The following ARHGAP44 variants were observed in gnomAD, a reference collection of about 807,000 sequenced individuals.
The protein encoded by ARHGAP44 is rho GTPase-activating protein 44.
ARHGAP44 carries 43 observed loss-of-function variants against 106.8 expected under a neutral mutation model. The ratio of observed to expected loss-of-function variants is 0.40; its 90% CI spans 0.32 to 0.52. ARHGAP44 has a LOEUF of 0.52. Ranked by LOEUF, ARHGAP44 falls within the 20% of genes least tolerant of loss-of-function variation. The pLI is 0.48. For synonymous variants in ARHGAP44, 439 were observed against 410.3 expected (o/e 1.07, Z -0.85); for missense variants, 866 against 1,050.5 (o/e 0.82, Z 2.43).
At chr17:12,959,369 C>G (rs532049686) in intron 16 of ARHGAP44, among the ~76,000 whole-genome samples, 3 of 152,104 alleles carry the variant, frequency 2.0e-5, no homozygotes, top group Non-Finnish European at 2.9e-5. Flanking sequence ...ACAGCCTGAG[C>G]GTAAAATCCT....
chr17:12,879,371 A>G (rs1231328483), intron 1 of ARHGAP44, among the ~76,000 whole-genome samples: 1 of 152,232 alleles, frequency 6.6e-6, no homozygotes, highest in Non-Finnish European at 1.5e-5. Context: ...CTCATTGATC[A>G]GTGGGCATTT....
intron 6 of ARHGAP44, among the ~76,000 whole-genome samples, chr17:12,926,517 C>CATAT (rs1178528110): frequency 7.1e-6 from 1 of 140,320 alleles, no homozygotes; most frequent in South Asian, 2.2e-4. Context: ...ATTATATATG[C>CATAT]ATATATATTA....
intron 1 of ARHGAP44, among the ~76,000 whole-genome samples, chr17:12,874,873 A>C (rs2036506937): frequency 6.6e-6 from 1 of 151,708 alleles, no homozygotes; most frequent in African/African-American, 2.4e-5. Flanking sequence ...TGTCTGGGGA[A>C]AAAGGGAAAG....
intron 1 of ARHGAP44, among the ~76,000 whole-genome samples, chr17:12,891,328 T>C (rs1347416864): frequency 6.6e-6 from 1 of 152,204 alleles, no homozygotes; most frequent in East Asian, 1.9e-4. Context: ...GTCTCTAATT[T>C]ATAATAAACA....
At chr17:12,989,100 CCAAAAAAAAA>C (rs1567728610) in intron 20 of ARHGAP44, among the ~76,000 whole-genome samples, 1 of 32,002 alleles carries the variant, frequency 3.1e-5, no homozygotes, top group African/African-American at 8.3e-5. Context: ...TCCACCCCCC[CCAAAAAAAAA>C]AAAAAAAAAA....
Position 12,943,669 on chromosome 17 carries a change from G to T in ARHGAP44, c.733G>T (p.Glu245Ter). The T allele has an allele frequency of 6.2e-7, 1 of 1,613,572 alleles. No individual in the cohort carries two copies. Among genetic ancestry groups the T allele is most frequent in the Non-Finnish European group, 8.5e-7 (1 of 1,179,838 alleles). Residue 245 changes from glutamate to a stop codon, truncating the protein, a stop_gained and splice_region_variant, in exon 9 of 21, where the codon GAG becomes TAG. Coordinates refer to ENST00000379672, the MANE Select transcript of ARHGAP44 (RefSeq NM_014859.6). LOFTEE classifies it high-confidence loss of function. ...ATTGCCTCAGATCAAAGCACAACAG[G>T]GTAAGTGCAGGCCTTCCCTGGAGAA... ...AVLPQIKAQQ[E>*]AWVEKPSFGK...
At chr17:12,817,453 GT>G (rs1763668037) in intron 1 of ARHGAP44, among the ~76,000 whole-genome samples, 2 of 151,934 alleles carry the variant, frequency 1.3e-5, no homozygotes, top group African/African-American at 4.8e-5. Context: ...GTAATATAAG[GT>G]TCTACCTTAA....
rs894083995 is a variant in ARHGAP44 at position 12,880,022 on chromosome 17, C to T, written c.54-14918C>T. Reference sequence around the variant, plus strand: ...GTGGCAAAGGTGGAAGAAAATCCATCTATAAATGAACTCATGTTGTCTGAG... The same window carrying T: ...GTGGCAAAGGTGGAAGAAAATCCATTTATAAATGAACTCATGTTGTCTGAG... On this transcript the variant is annotated intron_variant, in intron 1 of 20. Coordinates refer to ENST00000379672, the MANE Select transcript of ARHGAP44 (RefSeq NM_014859.6). 3.9e-4 allele frequency among the ~76,000 whole-genome samples: 59 copies of T among 152,064 alleles called. 1 individual carries two copies. Among genetic ancestry groups the T allele is most frequent in the African/African-American group, 1.4e-3 (59 of 41,518 alleles).
chr17:12,866,172 A>G (rs1376951320), intron 1 of ARHGAP44, among the ~76,000 whole-genome samples: 1 of 152,182 alleles, frequency 6.6e-6, no homozygotes, highest in Admixed American at 6.5e-5. Flanking sequence ...TCTTACTAAT[A>G]TATTAGAGAA....
At chr17:12,974,032 C>T (rs2039600123) in intron 17 of ARHGAP44, 57 bp from the exon 18 acceptor site, 2 of 1,503,812 alleles carry the variant, frequency 1.3e-6, no homozygotes, top group Non-Finnish European at 1.8e-6. Context: ...GGGGAGGGAG[C>T]CTGTCTCCTG....
At chr17:12,910,924 A>T (rs9652826) in intron 4 of ARHGAP44, among the ~76,000 whole-genome samples, 1 of 151,996 alleles carries the variant, frequency 6.6e-6, no homozygotes, top group Admixed American at 6.6e-5. Context: ...TCAAATATGC[A>T]TGTTATAAAA....
rs2039173013 is a variant in ARHGAP44 at position 12,958,093 on chromosome 17, A to G, written c.1343-624A>G. On this transcript the variant is annotated intron_variant, in intron 15 of 20. Coordinates refer to ENST00000379672, the MANE Select transcript of ARHGAP44 (RefSeq NM_014859.6). This position sits in a 1 kb window ranked among gnomAD's most constrained non-coding sequence, Gnocchi z 4.1. ...ATAGGTTCTGCGGCTGAGCTAATTC[A>G]TTACCACTGCACACAGACAGAATTG... is the stretch of plus-strand genomic sequence containing the variant. 6.6e-6 allele frequency among the ~76,000 whole-genome samples: 1 copy of G among 152,208 alleles called. No individual in the cohort carries two copies. Among genetic ancestry groups the G allele is most frequent in the Admixed American group, 6.5e-5 (1 of 15,272 alleles).
intron 1 of ARHGAP44, among the ~76,000 whole-genome samples, chr17:12,855,227 A>AC (rs781055470): frequency 3.3e-5 from 5 of 152,146 alleles, no homozygotes; most frequent in East Asian, 1.9e-4. Flanking sequence ...ACATAGTGAG[A>AC]CCCCCATCTC....
chr17:12,926,481 T>A (rs2038245592), intron 6 of ARHGAP44, among the ~76,000 whole-genome samples: 1 of 144,944 alleles, frequency 6.9e-6, no homozygotes, highest in African/African-American at 2.5e-5. Context: ...ATATAATATA[T>A]ATGTATGTAT....
At position 12,990,989 on chromosome 17, in the gene ARHGAP44, G is replaced by C. The variant is rs932108035; in HGVS notation, c.*818G>C. ...CTAAAGGCACCCAGTTCACTAGTCT[G>C]TGGGGTCCTGGAGCCTGTCTCTTCT... On this transcript the variant is annotated 3_prime_UTR_variant, in exon 21 of 21. Transcript: ENST00000379672. 1 of 152,662 alleles carries C rather than the reference G, an allele frequency of 6.6e-6. No homozygotes were observed. The highest frequency in any genetic ancestry group is 1.5e-5 in the Non-Finnish European group (1 of 68,040). The allele number at this position is 152,662 out of a possible 1,614,324, so 9.5% of individuals were successfully genotyped here. A position where few individuals can be genotyped will look rare whatever the true frequency, so the allele number is the denominator to read the frequency against.
intron 4 of ARHGAP44, among the ~76,000 whole-genome samples, chr17:12,912,356 C>T (rs2037762650): frequency 6.6e-6 from 1 of 151,966 alleles, no homozygotes; most frequent in Non-Finnish European, 1.5e-5. Context: ...AATCCTCATA[C>T]ACTCAGACAA....
chr17:12,986,903 A>G, intron 20 of ARHGAP44: 1 of 580,934 alleles, frequency 1.7e-6, no homozygotes, highest in East Asian at 2.8e-5. Flanking sequence ...TGCGGACCCT[A>G]TTTTAATGTC....
intron 5 of ARHGAP44, among the ~76,000 whole-genome samples, chr17:12,916,997 G>T (rs980546041): frequency 2.6e-5 from 4 of 152,156 alleles, no homozygotes; most frequent in Non-Finnish European, 4.4e-5. Context: ...CACATATTCG[G>T]ATTTGAGATG....
At position 12,893,491 on chromosome 17, in the gene ARHGAP44, G is replaced by A. The variant is rs181591508; in HGVS notation, c.54-1449G>A. ...TCCAGGTGACCATATGATTTCCACTGGTCCTGCAGCAGAGGAGGATGGGCT... is the reference window on the plus strand; with the variant it reads ...TCCAGGTGACCATATGATTTCCACTAGTCCTGCAGCAGAGGAGGATGGGCT... On this transcript the variant is annotated intron_variant, in intron 1 of 20. Transcript: ENST00000379672. Among the ~76,000 whole-genome samples the A allele has an allele frequency of 4.8e-3, 731 of 152,326 alleles. 5 individuals are homozygous for A. The highest frequency in any genetic ancestry group is 6.7e-3 in the Non-Finnish European group (453 of 68,036).
Sources: allele counts gnomAD v4.1 joint callset (sites outside exome capture counted in the v4.1 genomes callset), GRCh38; gene constraint gnomAD v4.1.1; non-coding constraint Gnocchi (gnomAD v3.1); transcripts MANE v1.5; gene names NCBI Gene and HGNC (gene_info 2026-07-23, HGNC 2026-07-21).